The following CD163L1 variants were observed in gnomAD, a reference collection of about 807,000 sequenced individuals.
The protein encoded by CD163L1 is scavenger receptor cysteine-rich type 1 protein M160.
CD163L1 carries 124 observed loss-of-function variants against 165.4 expected under a neutral mutation model. That is an observed-to-expected ratio of 0.75 (90% CI 0.65 to 0.87). The LOEUF (loss-of-function observed/expected upper bound fraction) is 0.87. CD163L1 is among the 40% of genes least tolerant of loss of function. The pLI, the probability that CD163L1 is intolerant of heterozygous loss-of-function variation, is 0.00. For missense variants in CD163L1, 1,525 were observed against 1,799.9 expected, an observed-to-expected ratio of 0.85 and a Z score of 2.76; for synonymous variants, 585 against 662.2, an observed-to-expected ratio of 0.88 and a Z score of 1.79.
intron 10 of CD163L1, 31 bp downstream of exon 10, chr12:7,375,669 C>T: frequency 6.2e-7 from 1 of 1,612,044 alleles, no homozygotes; most frequent in Non-Finnish European, 8.5e-7. Flanking sequence ...ATCTCTAGCC[C>T]CAGCCAATTA....
At chr12:7,366,448 T>C (rs1176957561) in intron 18 of CD163L1, among the ~76,000 whole-genome samples, 1 of 152,112 alleles carries the variant, frequency 6.6e-6, no homozygotes, top group Non-Finnish European at 1.5e-5. Context: ...ATATCCCAAT[T>C]TTACTAATTT....
chr12:7,420,172 G>A (rs1028126394), intron 4 of CD163L1, among the ~76,000 whole-genome samples: 1 of 151,944 alleles, frequency 6.6e-6, no homozygotes, highest in African/African-American at 2.4e-5. Flanking sequence ...GAGTGAAAAC[G>A]GATCCTCATC....
chr12:7,389,603 A>C (rs1208663718), intron 8 of CD163L1, among the ~76,000 whole-genome samples: 1 of 152,098 alleles, frequency 6.6e-6, no homozygotes, highest in African/African-American at 2.4e-5. Context: ...TTGATAGCAC[A>C]ATAGGGTGAC....
At chr12:7,421,764 TATA>T (rs369320375) in intron 4 of CD163L1, among the ~76,000 whole-genome samples, 73,466 of 127,000 alleles carry the variant, frequency 0.58, 19,576 homozygotes, top group Non-Finnish European at 0.61. Context: ...TATATATATA[TATA>T]TATTTTTTCT....
the CD163L1 span, among the ~76,000 whole-genome samples, chr12:7,329,336 A>ATTT: frequency 7.2e-6 from 1 of 139,144 alleles, no homozygotes; most frequent in African/African-American, 2.6e-5. Context: ...ACCATATTTA[A>ATTT]TTTTTTTTTC....
At chr12:7,332,530 G>T in the CD163L1 span, among the ~76,000 whole-genome samples, 1 of 143,348 alleles carries the variant, frequency 7.0e-6, no homozygotes, top group South Asian at 2.2e-4. Context: ...GGGCAGCCAG[G>T]GAGAAAGGTC....
intron 2 of CD163L1, among the ~76,000 whole-genome samples, chr12:7,437,166 T>TTAAG (rs10635331): frequency 0.55 from 54,531 of 99,316 alleles, 12,561 homozygotes; most frequent in African/African-American, 0.62. Flanking sequence ...TTTATTTTTA[T>TTAAG]TAATAGTATT....
At chr12:7,392,734 G>A (rs1947683770) in intron 8 of CD163L1, among the ~76,000 whole-genome samples, 1 of 151,980 alleles carries the variant, frequency 6.6e-6, no homozygotes, top group Non-Finnish European at 1.5e-5. Context: ...AATGACAAAG[G>A]GAATATCACC....
chr12:7,377,724 T>C (rs142924356), intron 9 of CD163L1, among the ~76,000 whole-genome samples: 2 of 152,344 alleles, frequency 1.3e-5, no homozygotes. Flanking sequence ...CCCCATCTTT[T>C]TGAAACATCT....
chr12:7,343,295 C>T (rs1004565148), downstream of CD163L1, among the ~76,000 whole-genome samples: 3 of 152,216 alleles, frequency 2.0e-5, no homozygotes, highest in South Asian at 2.1e-4. Context: ...AAACGATTTG[C>T]GAAAGTCTCT....
At chr12:7,419,347 G>A (rs1169868983) in intron 4 of CD163L1, among the ~76,000 whole-genome samples, 2 of 151,990 alleles carry the variant, frequency 1.3e-5, no homozygotes, top group African/African-American at 4.8e-5. Context: ...CAGCATAGAA[G>A]GGATATAACT....
intron 4 of CD163L1, among the ~76,000 whole-genome samples, chr12:7,421,763 A>T (rs917936451): frequency 3.0e-3 from 15 of 4,950 alleles, no homozygotes; most frequent in African/African-American, 9.7e-3. Context: ...ATATATATAT[A>T]TATATATTTT....
At position 7,403,875 on chromosome 12, in the gene CD163L1, A is replaced by G. The variant is rs190806823; in HGVS notation, c.1088-20T>C. The G allele has an allele frequency of 1.4e-4, 232 of 1,604,508 alleles. 1 individual carries two copies. Among genetic ancestry groups the G allele is most frequent in the African/African-American group, 1.3e-3 (97 of 74,802 alleles). ...CTCCATCTAGGATGAAGTCACAGAG[A>G]AACGTCTGAATTGGGTTTGGGACAA... On this transcript the variant is annotated intron_variant, in intron 5 of 19. Transcript: ENST00000313599.
At chr12:7,326,116 G>C in the CD163L1 span, among the ~76,000 whole-genome samples, 1 of 152,184 alleles carries the variant, frequency 6.6e-6, no homozygotes, top group Non-Finnish European at 1.5e-5. Flanking sequence ...TGGTGGGTTT[G>C]AAACAGCATT....
chr12:7,339,733 G>A, the CD163L1 span, among the ~76,000 whole-genome samples: 1 of 152,078 alleles, frequency 6.6e-6, no homozygotes, highest in Non-Finnish European at 1.5e-5. Context: ...CTTGCTGGTT[G>A]AAAAGTTTCT....
chr12:7,440,204 C>A (rs947748140), intron 2 of CD163L1, among the ~76,000 whole-genome samples: 1 of 152,166 alleles, frequency 6.6e-6, no homozygotes. Flanking sequence ...ACTTAACACT[C>A]GCGTCGGCCG....
intron 17 of CD163L1, 54 bp from the exon 18 acceptor site, chr12:7,367,385 T>C (rs1387485904): frequency 4.4e-6 from 5 of 1,143,760 alleles, no homozygotes; most frequent in Admixed American, 1.7e-5. Flanking sequence ...CTATCCCTTA[T>C]ATTAGGACAC....
chr12:7,440,124 G>T, intron 2 of CD163L1: 2 of 713,558 alleles, frequency 2.8e-6, no homozygotes, highest in South Asian at 1.8e-5. Context: ...GACCCGCCGC[G>T]CCAGCGTGGC....
At chr12:7,323,448 T>C in the CD163L1 span, 7 of 1,613,172 alleles carry the variant, frequency 4.3e-6, no homozygotes, top group Non-Finnish European at 5.9e-6. Context: ...CAATTATTTC[T>C]TTCATTCCAG....
Sources: gnomAD v4.1 joint callset for allele counts (sites outside exome capture counted in the v4.1 genomes callset) on GRCh38, gnomAD v4.1.1 for gene constraint, MANE v1.5 for transcripts, NCBI Gene and HGNC (gene_info 2026-07-23, HGNC 2026-07-21) for gene names.